The following EGFR variants were observed in gnomAD, a reference collection of about 807,000 sequenced individuals.
EGFR encodes the protein epidermal growth factor receptor.
EGFR carries 58 observed loss-of-function variants against 143.0 expected under a neutral mutation model. The observed-to-expected ratio is 0.41, with a 90% CI of 0.33 to 0.50. The LOEUF (loss-of-function observed/expected upper bound fraction) is 0.50. Ranked by LOEUF, EGFR falls within the 20% of genes least tolerant of loss-of-function variation. The pLI, the probability that EGFR is intolerant of heterozygous loss-of-function variation, is 0.39. For missense variants in EGFR, 1,307 were observed against 1,579.0 expected, an observed-to-expected ratio of 0.83 and a Z score of 2.92; for synonymous variants, 613 against 594.4, an observed-to-expected ratio of 1.03 and a Z score of -0.45.
intron 1 of EGFR, among the ~76,000 whole-genome samples, chr7:55,040,880 C>T (rs1787858348): frequency 6.6e-6 from 1 of 152,204 alleles, no homozygotes; most frequent in African/African-American, 2.4e-5. Flanking sequence ...GCTACTGCAT[C>T]TACATCAGAA....
At chr7:55,150,996 C>T (rs541248911) in intron 4 of EGFR, among the ~76,000 whole-genome samples, 37 of 152,324 alleles carry the variant, frequency 2.4e-4, no homozygotes, top group African/African-American at 8.2e-4. Context: ...CAAGCCTAAG[C>T]AGATTGTAAA....
At chr7:55,067,876 G>A (rs1789597571) in intron 1 of EGFR, among the ~76,000 whole-genome samples, 1 of 151,128 alleles carries the variant, frequency 6.6e-6, no homozygotes. Flanking sequence ...GTGTCTCTGT[G>A]TATACGTGTG....
In EGFR at chr7:55,058,317, G is replaced by A. The variant is rs58241301; in HGVS notation, c.88+38952G>A. On this transcript the variant is annotated intron_variant, in intron 1 of 27. Coordinates refer to ENST00000275493, the MANE Select transcript of EGFR (RefSeq NM_005228.5). ...GCTGAGGCAGGAAAATTGCTTGAAC[G>A]CGGGAGGCGGAGTTTGCAGTGAACA... Among the ~76,000 whole-genome samples, 5 of 152,042 alleles carry A rather than the reference G, an allele frequency of 3.3e-5. No homozygotes were observed. In the East Asian group the frequency reaches 5.8e-4, roughly 18 times the overall value.
chr7:55,086,566 TTAA>T (rs1344922687), intron 1 of EGFR, among the ~76,000 whole-genome samples: 1 of 152,230 alleles, frequency 6.6e-6, no homozygotes, highest in African/African-American at 2.4e-5. Context: ...TTTTGCCTCG[TTAA>T]TTTCATGCCC....
chr7:55,032,327 T>A (rs1787301231), intron 1 of EGFR, among the ~76,000 whole-genome samples: 1 of 152,180 alleles, frequency 6.6e-6, no homozygotes, highest in South Asian at 2.1e-4. Flanking sequence ...CCCATCTCTG[T>A]CTGAGGACGC....
rs776886714 is a variant in EGFR, at chr7:55,152,578, G to A, written c.661G>A (p.Gly221Arg). The A allele has an allele frequency of 9.3e-6, 15 of 1,613,830 alleles. No individual in the cohort carries two copies. Among genetic ancestry groups the A allele is most frequent in the South Asian group, 1.1e-5 (1 of 91,072 alleles). The change falls in exon 6 of 28, where the codon GGG becomes AGG. Residue 221 changes from glycine (G) to arginine (R), a missense_variant. Coordinates refer to ENST00000275493, the MANE Select transcript of EGFR (RefSeq NM_005228.5). Reference protein sequence around the residue: ...TKIICAQQCSGRCRGKSPSDC... With the variant: ...TKIICAQQCSRRCRGKSPSDC... ...AATCATCTGTGCCCAGCAGTGCTCC[G>A]GGCGCTGCCGTGGCAAGTCCCCCAG...
chr7:55,105,834 AC>A lies in EGFR; in HGVS notation c.89-36451del, dbSNP rs1792094375. Among the ~76,000 whole-genome samples, 3 of 152,348 alleles carry A rather than the reference AC, an allele frequency of 2.0e-5. No individual in the cohort carries two copies. In the South Asian group the frequency reaches 6.2e-4, roughly 32 times the overall value. ...TTAGTTGTTTTGATTGTTAAAAAAAACACATCTGTTTGGTAGATAAGACATA... is the reference window on the plus strand; with the variant it reads ...TTAGTTGTTTTGATTGTTAAAAAAAAACATCTGTTTGGTAGATAAGACATA... On this transcript the variant is annotated intron_variant, in intron 1 of 27. Transcript: ENST00000275493.
At chr7:55,066,052 A>G (rs1278978655) in intron 1 of EGFR, among the ~76,000 whole-genome samples, 1 of 152,144 alleles carries the variant, frequency 6.6e-6, no homozygotes, top group Non-Finnish European at 1.5e-5. Flanking sequence ...CTACGTGATG[A>G]AAGTACCATG....
chr7:55,083,227 G>A (rs986036488), intron 1 of EGFR, among the ~76,000 whole-genome samples: 7 of 152,354 alleles, frequency 4.6e-5, no homozygotes, highest in African/African-American at 1.4e-4. Flanking sequence ...CGTTCTTGGA[G>A]ACGTTGACTT....
chr7:55,136,207 A>G (rs1794131090), intron 1 of EGFR, among the ~76,000 whole-genome samples: 3 of 152,228 alleles, frequency 2.0e-5, no homozygotes, highest in Admixed American at 2.0e-4. Flanking sequence ...TTTTAAGTTC[A>G]TCCTATAAAT....
chr7:55,188,380 G>T (rs73346604), intron 20 of EGFR, among the ~76,000 whole-genome samples: 1 of 151,932 alleles, frequency 6.6e-6, no homozygotes, highest in Non-Finnish European at 1.5e-5. Context: ...CACAGCCCCC[G>T]CCCCTCACTC....
intron 1 of EGFR, among the ~76,000 whole-genome samples, chr7:55,075,663 C>T (rs1334928636): frequency 6.6e-6 from 1 of 152,172 alleles, no homozygotes; most frequent in Non-Finnish European, 1.5e-5. Context: ...CAGAACCTAC[C>T]ACCGTAGTGA....
intron 4 of EGFR, among the ~76,000 whole-genome samples, chr7:55,149,909 A>G (rs939403507): frequency 6.6e-6 from 1 of 152,228 alleles, no homozygotes. Flanking sequence ...TTAAGGTTAT[A>G]ACACAATGTA....
chr7:55,019,442 CG>C, intron 1 of EGFR, 77 bp downstream of exon 1: 1 of 959,794 alleles, frequency 1.0e-6, no homozygotes, highest in Non-Finnish European at 1.3e-6. Flanking sequence ...AACCGCGCAC[CG>C]GCGCACCGGC....
chr7:55,077,944 A>G (rs1790225485), intron 1 of EGFR, among the ~76,000 whole-genome samples: 1 of 152,174 alleles, frequency 6.6e-6, no homozygotes, highest in Admixed American at 6.5e-5. Context: ...CAAGGGTGTA[A>G]TGCTGCACCA....
chr7:55,124,334 CT>C (rs1793392846), intron 1 of EGFR, among the ~76,000 whole-genome samples: 1 of 152,110 alleles, frequency 6.6e-6, no homozygotes. Flanking sequence ...ATAAAATTGA[CT>C]AAATTATTCA....
intron 20 of EGFR, chr7:55,181,991 T>C: frequency 4.7e-6 from 1 of 212,338 alleles, no homozygotes; most frequent in Non-Finnish European, 9.5e-6. Context: ...AGTGTCCCCC[T>C]TTCCACAGGC....
chr7:55,170,725 C>G lies in EGFR; in HGVS notation c.1881-450C>G, dbSNP rs565105141. 2.0e-4 allele frequency: 299 copies of G among 1,497,514 alleles called. 2 individuals carry two copies. In the South Asian group the frequency reaches 3.8e-3, roughly 19 times the overall value. The allele number at this position is 1,497,514 out of a possible 1,614,324, so 92.8% of individuals were successfully genotyped here. A position where few individuals can be genotyped will look rare whatever the true frequency, so the allele number is the denominator to read the frequency against. On this transcript the variant is annotated intron_variant, in intron 15 of 27. Transcript: ENST00000275493. ...GGACTGACCTCTTCCTCCTCGCTGC[C>G]AGATGATTGTTCAAAGCACAGAATT...
rs1453233619 is a variant in EGFR at position 55,155,685 on chromosome 7, C to A, written c.890-145C>A. On this transcript the variant is annotated intron_variant, in intron 7 of 27. Transcript: ENST00000275493. ...AACGGGATTCCTTCTCTATTTGCAA[C>A]CTTTCATTCTTTGTCCTTAAAGTAA... is the stretch of plus-strand genomic sequence containing the variant. 31 of 758,898 alleles carry A rather than the reference C, an allele frequency of 4.1e-5. No individual in the cohort carries two copies. In the Admixed American group the frequency reaches 5.1e-4, roughly 13 times the overall value. The allele number at this position is 758,898 out of a possible 1,614,324, so 47.0% of individuals were successfully genotyped here. A position where few individuals can be genotyped will look rare whatever the true frequency, so the allele number is the denominator to read the frequency against.
Sources: allele counts gnomAD v4.1 joint callset (sites outside exome capture counted in the v4.1 genomes callset), GRCh38; gene constraint gnomAD v4.1.1; transcripts MANE v1.5; gene names NCBI Gene and HGNC (gene_info 2026-07-23, HGNC 2026-07-21).